The following KLHL29 variants were observed in gnomAD, a reference collection of about 807,000 sequenced individuals.
KLHL29 encodes the protein kelch like family member 29.
Under a neutral mutation model 80.4 loss-of-function variants are expected in KLHL29, and 21 were observed. The observed-to-expected ratio is 0.26, with a 90% confidence interval of 0.19 to 0.38. KLHL29 has a LOEUF of 0.38. Ranked by LOEUF, KLHL29 falls within the 10% of genes least tolerant of loss-of-function variation. KLHL29 has a pLI of 1.00. For synonymous variants in KLHL29, 511 were observed against 526.8 expected (o/e 0.97, Z 0.41); for missense variants, 867 against 1,223.9 (o/e 0.71, Z 4.35).
At chr2:23,525,842 T>A (rs1666297878) in intron 2 of KLHL29, among the ~76,000 whole-genome samples, 1 of 152,052 alleles carries the variant, frequency 6.6e-6, no homozygotes. Context: ...GGGCTCATTC[T>A]AGGGATCCTG....
At chr2:23,699,245 C>CAGAA (rs1672202696) in intron 11 of KLHL29, among the ~76,000 whole-genome samples, 1 of 152,162 alleles carries the variant, frequency 6.6e-6, no homozygotes, top group Admixed American at 6.6e-5. Flanking sequence ...AGGAGGCTCA[C>CAGAA]AGAAAGAAAG....
chr2:23,657,064 T>A (rs1670266733), intron 5 of KLHL29, among the ~76,000 whole-genome samples: 1 of 151,946 alleles, frequency 6.6e-6, no homozygotes, highest in Admixed American at 6.6e-5. Flanking sequence ...AGGGTGGAAA[T>A]GGGGGTTTGG....
intron 3 of KLHL29, among the ~76,000 whole-genome samples, chr2:23,597,383 G>GTGTATA (rs1444343783): frequency 2.1e-4 from 5 of 23,588 alleles, no homozygotes; most frequent in African/African-American, 5.4e-4. Flanking sequence ...GTGTGTGTGT[G>GTGTATA]TATATATATA....
intron 2 of KLHL29, among the ~76,000 whole-genome samples, chr2:23,536,928 TCC>T (rs1558378349): frequency 1.0e-3 from 139 of 137,066 alleles, no homozygotes; most frequent in African/African-American, 3.4e-3. Flanking sequence ...ACTCTCTCTC[TCC>T]CTCTCTCGCT....
At position 23,569,482 on chromosome 2, in the gene KLHL29, C is replaced by G. The variant is rs548157745; in HGVS notation, c.285+7001C>G. Among the ~76,000 whole-genome samples the G allele has an allele frequency of 4.5e-4, 69 of 152,274 alleles. 1 individual carries two copies. Among genetic ancestry groups the G allele is most frequent in the Middle Eastern group, 3.4e-3 (1 of 294 alleles). ...TTCTTACTCAGTTCTAATGGTTTTC[C>G]CTGTTTCGTTTAATTACTCATGTTG... On this transcript the variant is annotated intron_variant, in intron 3 of 13. Coordinates refer to ENST00000486442, the MANE Select transcript of KLHL29 (RefSeq NM_052920.2).
chr2:23,703,324 C>T lies in KLHL29; in HGVS notation c.2244C>T (p.Leu748=). Residue 748 remains leucine, a synonymous_variant, in exon 12 of 14, where the codon CTC becomes CTT. Transcript: ENST00000486442. ...VNEAGRAAGV[L]QSYVPQTNTW... is the part of the protein sequence containing the mutation. The stretch of plus-strand genomic sequence containing the variant: ...AGGCAGGCCGAGCTGCCGGCGTCCT[C>T]CAGTCTTACGTTCCTCAGACCAACA... 1 of 1,545,030 alleles carries T rather than the reference C, an allele frequency of 6.5e-7. No individual in the cohort carries two copies. The highest frequency in any genetic ancestry group is 8.7e-7 in the Non-Finnish European group (1 of 1,144,484).
chr2:23,571,289 G>T (rs764633519), intron 3 of KLHL29, among the ~76,000 whole-genome samples: 9 of 152,252 alleles, frequency 5.9e-5, no homozygotes, highest in Admixed American at 1.3e-4. Flanking sequence ...GGCTGAGCCT[G>T]CCTGGTGAGT....
chr2:23,407,343 G>A (rs113606546), intron 1 of KLHL29, among the ~76,000 whole-genome samples: 1,824 of 151,738 alleles, frequency 0.012, 15 homozygotes, highest in Admixed American at 0.019. Context: ...TAGTCTGTTA[G>A]GTAGGTGAGT....
intron 1 of KLHL29, among the ~76,000 whole-genome samples, chr2:23,453,678 C>G (rs1663955845): frequency 6.6e-6 from 1 of 152,176 alleles, no homozygotes; most frequent in South Asian, 2.1e-4. Context: ...TTCAATTAAG[C>G]CAGAGAAACA....
At chr2:23,646,243 CT>C in intron 5 of KLHL29, among the ~76,000 whole-genome samples, 1 of 152,302 alleles carries the variant, frequency 6.6e-6, no homozygotes, top group Middle Eastern at 3.4e-3. Context: ...TCGGTGAGAC[CT>C]GGAGTCAGTG....
intron 1 of KLHL29, among the ~76,000 whole-genome samples, chr2:23,458,567 A>G (rs1176679795): frequency 2.6e-5 from 4 of 152,230 alleles, no homozygotes; most frequent in South Asian, 2.1e-4. Flanking sequence ...AATCACAAAC[A>G]TAAATTATAA....
At chr2:23,637,704 A>C (rs482639) in intron 3 of KLHL29, among the ~76,000 whole-genome samples, 66,897 of 151,648 alleles carry the variant, frequency 0.44, 15,033 homozygotes, top group Middle Eastern at 0.54. Context: ...CCGCATCCAC[A>C]CCCCCTTTCT....
At position 23,683,719 on chromosome 2, in the gene KLHL29, G is replaced by C. The variant is rs531122690; in HGVS notation, c.941-680G>C. On this transcript the variant is annotated intron_variant, in intron 5 of 13. Transcript: ENST00000486442. ...TGCCCCATGTCAAAGCCCCAGGAGA[G>C]GGTGGGTGTCCTGAGAGACTCAACT... Among the ~76,000 whole-genome samples, 137 of 152,342 alleles carry C rather than the reference G, an allele frequency of 9.0e-4. 1 individual carries two copies. Among genetic ancestry groups the C allele is most frequent in the African/African-American group, 3.1e-3 (131 of 41,588 alleles).
At position 23,642,728 on chromosome 2, in the gene KLHL29, C is replaced by T. The variant is rs1041788821; in HGVS notation, c.818C>T (p.Thr273Ile). The change falls in exon 5 of 14, where the codon ACT (threonine) becomes ATT (isoleucine). Residue 273 changes from threonine to isoleucine, a missense_variant. Thr to Ile is a moderately conservative substitution (Grantham distance 89). Coordinates refer to ENST00000486442, the MANE Select transcript of KLHL29 (RefSeq NM_052920.2). ...CCGCCGCCAGCCCAGCCGTCCGCCA[C>T]TCTCCCCAGTGGTGCCCCTGCCACC... ...PPPPPAQPSATLPSGAPATNG... is the reference protein window; with the variant it reads ...PPPPPAQPSAILPSGAPATNG... The T allele has an allele frequency of 1.3e-6, 2 of 1,549,498 alleles. No homozygotes were observed. The highest frequency in any genetic ancestry group is 8.7e-7 in the Non-Finnish European group (1 of 1,146,354).
chr2:23,643,190 G>T, intron 5 of KLHL29: 1 of 472,260 alleles, frequency 2.1e-6, no homozygotes, highest in Non-Finnish European at 4.0e-6. Flanking sequence ...GCTGCAAAAG[G>T]GTGAGAGTCA....
intron 5 of KLHL29, among the ~76,000 whole-genome samples, chr2:23,670,682 A>C (rs2149175508): frequency 6.6e-6 from 1 of 152,260 alleles, no homozygotes; most frequent in South Asian, 2.1e-4. Flanking sequence ...TTAATTGTAT[A>C]ATTTTAAAAG....
At chr2:23,495,204 A>G (rs1665226566) in intron 2 of KLHL29, among the ~76,000 whole-genome samples, 1 of 152,052 alleles carries the variant, frequency 6.6e-6, no homozygotes, top group Non-Finnish European at 1.5e-5. Flanking sequence ...CCCATTTTTA[A>G]GGGAAATGGT....
At chr2:23,452,159 G>A (rs1663898106) in intron 1 of KLHL29, among the ~76,000 whole-genome samples, 1 of 150,364 alleles carries the variant, frequency 6.7e-6, no homozygotes, top group South Asian at 2.1e-4. Flanking sequence ...CCACAAGCAT[G>A]TCCCACCGTG....
chr2:23,459,201 T>G (rs954731530), intron 1 of KLHL29, among the ~76,000 whole-genome samples: 1 of 152,192 alleles, frequency 6.6e-6, no homozygotes, highest in African/African-American at 2.4e-5. Flanking sequence ...CAGGAAGCAC[T>G]GGAGAAGCCC....
Sources: allele counts gnomAD v4.1 joint callset (sites outside exome capture counted in the v4.1 genomes callset), GRCh38; gene constraint gnomAD v4.1.1; transcripts MANE v1.5; gene names NCBI Gene and HGNC (gene_info 2026-07-23, HGNC 2026-07-21).